SGCZ: variants seen among roughly 807,000 people sequenced by gnomAD.
SGCZ encodes the protein sarcoglycan zeta.
Under a neutral mutation model 41.3 loss-of-function variants are expected in SGCZ, and 40 were observed. The observed-to-expected ratio is 0.97, with a 90% CI of 0.75 to 1.26. The LOEUF is 1.26. SGCZ is among the 50% of genes most tolerant of loss of function. The pLI, the probability that SGCZ is intolerant of heterozygous loss-of-function variation, is 0.00. For missense variants in SGCZ, 552 were observed against 369.8 expected, an observed-to-expected ratio of 1.49 and a Z score of -4.04; for synonymous variants, 206 against 137.5, an observed-to-expected ratio of 1.50 and a Z score of -3.49.
intron 1 of SGCZ, among the ~76,000 whole-genome samples, chr8:14,924,032 C>T (rs954439709): frequency 1.3e-5 from 2 of 152,200 alleles, no homozygotes; most frequent in African/African-American, 4.8e-5. Flanking sequence ...GGTAAACCTT[C>T]CCTAAATCCC....
At chr8:14,327,909 TAGC>T (rs1802180228) in intron 2 of SGCZ, among the ~76,000 whole-genome samples, 1 of 152,094 alleles carries the variant, frequency 6.6e-6, no homozygotes, top group Non-Finnish European at 1.5e-5. Flanking sequence ...GCCTCCTGAG[TAGC>T]AGGGACTACA....
chr8:15,121,951 C>T (rs1807497548), intron 1 of SGCZ, among the ~76,000 whole-genome samples: 3 of 146,670 alleles, frequency 2.0e-5, no homozygotes, highest in African/African-American at 7.5e-5. Flanking sequence ...GCCTTTCAAA[C>T]CAGATAGTAT....
At chr8:14,479,368 C>T (rs1262093089) in intron 2 of SGCZ, among the ~76,000 whole-genome samples, 1 of 152,144 alleles carries the variant, frequency 6.6e-6, no homozygotes, top group Non-Finnish European at 1.5e-5. Flanking sequence ...CCTCTTTGCT[C>T]CGCCTGCTTT....
rs1240037200 is a variant in SGCZ, at chr8:14,766,593, A to G, written c.40-211667T>C. Reference sequence around the variant, plus strand: ...TTTTTTCTTCTTTAGACAGTGTTTCATTCTGTCACCCAGGCTGGAGTGCAG... The same window carrying G: ...TTTTTTCTTCTTTAGACAGTGTTTCGTTCTGTCACCCAGGCTGGAGTGCAG... On this transcript the variant is annotated intron_variant, in intron 1 of 7. Transcript: ENST00000382080. Among the ~76,000 whole-genome samples the G allele has an allele frequency of 5.3e-5, 8 of 151,760 alleles. No individual in the cohort carries two copies. In the East Asian group the frequency reaches 1.4e-3, roughly 26 times the overall value.
In SGCZ at chr8:14,088,263, G is replaced by C. The variant is rs1801583318; in HGVS notation, c.*2180C>G. 6.6e-6 allele frequency among the ~76,000 whole-genome samples: 1 copy of C among 151,786 alleles called. No individual in the cohort carries two copies. The highest frequency in any genetic ancestry group is 2.1e-4 in the South Asian group (1 of 4,824). On this transcript the variant is annotated 3_prime_UTR_variant, in exon 8 of 8. Transcript: ENST00000382080. ...GAAGTTGAGTAAACTGAAGCCTGGA[G>C]AGATTCTCGAACTGCCTAAAACAGC...
intron 1 of SGCZ, among the ~76,000 whole-genome samples, chr8:15,046,207 T>C (rs1435631011): frequency 4.6e-5 from 7 of 152,164 alleles, no homozygotes; most frequent in African/African-American, 1.4e-4. Context: ...AAGCCTAATA[T>C]CTTCCATGCC....
At chr8:14,803,387 G>T (rs550719324) in intron 1 of SGCZ, among the ~76,000 whole-genome samples, 2 of 152,110 alleles carry the variant, frequency 1.3e-5, no homozygotes, top group Non-Finnish European at 2.9e-5. Context: ...TGCGCAAGCC[G>T]AAGCAGGGTG....
At chr8:15,058,179 C>A (rs1175180874) in intron 1 of SGCZ, among the ~76,000 whole-genome samples, 7 of 152,190 alleles carry the variant, frequency 4.6e-5, no homozygotes, top group African/African-American at 1.7e-4. Context: ...TAATTTATAA[C>A]AGCAGTATGT....
At chr8:14,866,931 G>C (rs1386694423) in intron 1 of SGCZ, among the ~76,000 whole-genome samples, 4 of 152,144 alleles carry the variant, frequency 2.6e-5, no homozygotes, top group African/African-American at 7.2e-5. Flanking sequence ...GAGTTTCTGA[G>C]AGAGCACGCT....
In SGCZ at chr8:14,936,393, G is replaced by C. The variant is rs564602697; in HGVS notation, c.39+301192C>G. Among the ~76,000 whole-genome samples the C allele has an allele frequency of 2.6e-5, 4 of 152,006 alleles. No individual in the cohort carries two copies. The East Asian group carries it at 5.8e-4, about 22-fold the overall frequency. On this transcript the variant is annotated intron_variant, in intron 1 of 7. Transcript: ENST00000382080. ...TTTGCTCACGGTTAGGCAAAATCAT[G>C]TAATACAAAGCCTAGTTTATAATAA...
At chr8:14,467,408 A>G (rs1801082506) in intron 2 of SGCZ, among the ~76,000 whole-genome samples, 1 of 152,024 alleles carries the variant, frequency 6.6e-6, no homozygotes, top group East Asian at 1.9e-4. Flanking sequence ...ATCAGAAGCA[A>G]TAATCACCAA....
chr8:15,084,728 G>A (rs552853661), intron 1 of SGCZ, among the ~76,000 whole-genome samples: 10 of 152,132 alleles, frequency 6.6e-5, no homozygotes, highest in East Asian at 5.8e-4. Context: ...CTCCAGCCTG[G>A]GCAATGGAGT....
At chr8:14,526,206 A>G (rs1802944753) in intron 2 of SGCZ, among the ~76,000 whole-genome samples, 1 of 152,142 alleles carries the variant, frequency 6.6e-6, no homozygotes, top group Non-Finnish European at 1.5e-5. Flanking sequence ...AATATTACAT[A>G]AGTGTAATAT....
rs1799788576 is a variant in SGCZ, at chr8:14,927,342, C to T, written c.39+310243G>A. ...GCCAGGATGGTGTCGATTTCCTGTCCTTGTGATCCGCCCGCCTCGGCCTCC... is the reference window on the plus strand; with the variant it reads ...GCCAGGATGGTGTCGATTTCCTGTCTTTGTGATCCGCCCGCCTCGGCCTCC... On this transcript the variant is annotated intron_variant, in intron 1 of 7. Transcript: ENST00000382080. 2.6e-5 allele frequency among the ~76,000 whole-genome samples: 4 copies of T among 151,806 alleles called. No homozygotes were observed. The South Asian group carries it at 8.3e-4, about 31-fold the overall frequency.
chr8:14,853,729 C>T (rs1803434197), intron 1 of SGCZ, among the ~76,000 whole-genome samples: 1 of 151,890 alleles, frequency 6.6e-6, no homozygotes, highest in Non-Finnish European at 1.5e-5. Context: ...TATTTTCTTT[C>T]CTAGTGAAAC....
rs1800457550 is a variant in SGCZ, at chr8:14,946,664, T to TAGAAATTG, written c.39+290920_39+290921insCAATTTCT. Among the ~76,000 whole-genome samples the TAGAAATTG allele has an allele frequency of 2.0e-5, 3 of 149,542 alleles. No homozygotes were observed. The South Asian group carries it at 6.4e-4, about 32-fold the overall frequency. ...TCATACTCAAACCAGAGAAGTTTGT[T>TAGAAATTG]AGAAATCTGTATTTTTTTTTTTTTT... On this transcript the variant is annotated intron_variant, in intron 1 of 7. Coordinates refer to ENST00000382080, the MANE Select transcript of SGCZ (RefSeq NM_139167.4).
intron 1 of SGCZ, among the ~76,000 whole-genome samples, chr8:14,952,221 A>C (rs1189291950): frequency 6.6e-6 from 1 of 152,142 alleles, no homozygotes; most frequent in Non-Finnish European, 1.5e-5. Context: ...TTGTTATGTC[A>C]CCAAGAAAAC....
At chr8:14,481,771 T>G (rs1392353841) in intron 2 of SGCZ, among the ~76,000 whole-genome samples, 2 of 152,204 alleles carry the variant, frequency 1.3e-5, no homozygotes, top group Admixed American at 6.5e-5. Flanking sequence ...AAGTAAAATG[T>G]TCAGTAGATG....
chr8:15,003,332 T>C (rs181036079), intron 1 of SGCZ, among the ~76,000 whole-genome samples: 2 of 152,140 alleles, frequency 1.3e-5, no homozygotes, highest in East Asian at 1.9e-4. Context: ...TCTTTTTATG[T>C]ATAAATTACT....
Sources: gnomAD v4.1 joint callset for allele counts (sites outside exome capture counted in the v4.1 genomes callset) on GRCh38, gnomAD v4.1.1 for gene constraint, MANE v1.5 for transcripts, NCBI Gene and HGNC (gene_info 2026-07-23, HGNC 2026-07-21) for gene names.